Variants in CNTNAP2 observed in about 807,000 individuals in gnomAD.
The protein encoded by CNTNAP2 is contactin-associated protein-like 2.
In CNTNAP2, 98 loss-of-function variants were observed where a neutral mutation model predicts 155.2. The ratio of observed to expected loss-of-function variants is 0.63; its 90% confidence interval spans 0.54 to 0.75. The LOEUF (loss-of-function observed/expected upper bound fraction) is 0.75. CNTNAP2 is among the 30% of genes least tolerant of loss of function. CNTNAP2 has a pLI of 0.00. For synonymous variants in CNTNAP2, 651 were observed against 631.2 expected, an observed-to-expected ratio of 1.03 and a Z score of -0.47; for missense variants, 1,727 against 1,688.1, an observed-to-expected ratio of 1.02 and a Z score of -0.40.
chr7:147,580,831 G>A (rs112397579), intron 12 of CNTNAP2, among the ~76,000 whole-genome samples: 1 of 152,098 alleles, frequency 6.6e-6, no homozygotes, highest in African/African-American at 2.4e-5. Context: ...GACCAGGCTG[G>A]TCTCGAACTT....
chr7:148,347,591 G>A (rs564841348), intron 21 of CNTNAP2, among the ~76,000 whole-genome samples: 20 of 152,176 alleles, frequency 1.3e-4, no homozygotes, highest in African/African-American at 4.6e-4. Flanking sequence ...GCCTTTCAGA[G>A]CCAAAATTAT....
At chr7:146,928,543 G>A (rs1263975797) in intron 3 of CNTNAP2, among the ~76,000 whole-genome samples, 3 of 152,186 alleles carry the variant, frequency 2.0e-5, no homozygotes, top group Non-Finnish European at 2.9e-5. Flanking sequence ...TTCCATCTGA[G>A]GTACCAGGTT....
At chr7:146,402,968 G>C (rs1584908658) in intron 1 of CNTNAP2, among the ~76,000 whole-genome samples, 1 of 151,970 alleles carries the variant, frequency 6.6e-6, no homozygotes, top group Non-Finnish European at 1.5e-5. Context: ...TTTATTATTT[G>C]TTACACTATA....
chr7:147,708,688 C>T (rs1171966193), intron 13 of CNTNAP2, among the ~76,000 whole-genome samples: 1 of 152,166 alleles, frequency 6.6e-6, no homozygotes. Context: ...TTTTCCTCCA[C>T]TGGGGAGCCA....
chr7:147,561,207 CACA>C (rs1323001700), intron 11 of CNTNAP2, among the ~76,000 whole-genome samples: 2 of 152,238 alleles, frequency 1.3e-5, no homozygotes, highest in African/African-American at 2.4e-5. Context: ...TAGTTTAACA[CACA>C]ACAACCCCTA....
chr7:147,995,695 A>G (rs112177637), intron 15 of CNTNAP2, among the ~76,000 whole-genome samples: 2 of 152,020 alleles, frequency 1.3e-5, no homozygotes, highest in African/African-American at 4.8e-5. Flanking sequence ...TTGTATTTTT[A>G]GTAGAGATAG....
intron 3 of CNTNAP2, among the ~76,000 whole-genome samples, chr7:146,895,596 ATTGT>A (rs141815838): frequency 0.036 from 5,552 of 152,188 alleles, 120 homozygotes; most frequent in Middle Eastern, 0.092. Context: ...GTATGTAATA[ATTGT>A]TCATATTTAT....
intron 1 of CNTNAP2, among the ~76,000 whole-genome samples, chr7:146,207,158 T>C (rs1486292283): frequency 6.6e-6 from 1 of 151,970 alleles, no homozygotes; most frequent in Non-Finnish European, 1.5e-5. Flanking sequence ...TTTTAAGGTA[T>C]TCACAGCTTT....
intron 2 of CNTNAP2, among the ~76,000 whole-genome samples, chr7:146,827,720 T>C (rs1803433582): frequency 6.6e-6 from 1 of 152,054 alleles, no homozygotes; most frequent in Non-Finnish European, 1.5e-5. Context: ...GACATAACTT[T>C]TCCTTTCTTT....
intron 1 of CNTNAP2, among the ~76,000 whole-genome samples, chr7:146,364,649 A>AGT (rs1277938919): frequency 6.6e-6 from 1 of 152,218 alleles, no homozygotes. Flanking sequence ...AAATTCTCCT[A>AGT]GTGAGAACAC....
intron 9 of CNTNAP2, among the ~76,000 whole-genome samples, chr7:147,392,262 T>C (rs1453648667): frequency 6.6e-6 from 1 of 152,082 alleles, no homozygotes; most frequent in Admixed American, 6.6e-5. Flanking sequence ...TGTCCCTAAA[T>C]TACTGCCACA....
intron 14 of CNTNAP2, among the ~76,000 whole-genome samples, chr7:147,975,280 T>G (rs4726900): frequency 0.38 from 57,889 of 151,704 alleles, 11,593 homozygotes; most frequent in East Asian, 0.73. Flanking sequence ...AGTAGACAAA[T>G]TTATGGTTAC....
At chr7:148,301,306 A>AATATATATATATAT (rs1554414673) in intron 21 of CNTNAP2, among the ~76,000 whole-genome samples, 13 of 103,848 alleles carry the variant, frequency 1.3e-4, no homozygotes, top group Non-Finnish European at 1.9e-4. Flanking sequence ...AAAAAAAAAA[A>AATATATATATATAT]ATATATATAT....
At chr7:147,958,899 G>GT (rs1801069944) in intron 14 of CNTNAP2, among the ~76,000 whole-genome samples, 1 of 152,118 alleles carries the variant, frequency 6.6e-6, no homozygotes, top group African/African-American at 2.4e-5. Context: ...TTTTTTTGCA[G>GT]TAAGTGTAGG....
intron 10 of CNTNAP2, among the ~76,000 whole-genome samples, chr7:147,417,584 T>A (rs1797216940): frequency 6.6e-6 from 1 of 152,206 alleles, no homozygotes; most frequent in Non-Finnish European, 1.5e-5. Flanking sequence ...TTAGAGAACG[T>A]CTACAAAGAA....
At chr7:146,636,331 C>T (rs344447) in intron 1 of CNTNAP2, among the ~76,000 whole-genome samples, 4,525 of 151,912 alleles carry the variant, frequency 0.03, 243 homozygotes, top group African/African-American at 0.1. Flanking sequence ...TTTTAACTTA[C>T]GAATTTTTAA....
At chr7:147,453,824 A>AT (rs1188900424) in intron 10 of CNTNAP2, among the ~76,000 whole-genome samples, 1 of 152,156 alleles carries the variant, frequency 6.6e-6, no homozygotes, top group Non-Finnish European at 1.5e-5. Flanking sequence ...TCTTTAATGT[A>AT]TTTTTAAATG....
At chr7:148,370,294 G>A (rs1276648060) in intron 21 of CNTNAP2, among the ~76,000 whole-genome samples, 2 of 152,154 alleles carry the variant, frequency 1.3e-5, no homozygotes, top group Admixed American at 6.5e-5. Context: ...GTGACCTGAC[G>A]TCTCAGTGGC....
chr7:148,106,117 GT>G (rs1804212033), intron 15 of CNTNAP2, among the ~76,000 whole-genome samples: 1 of 152,158 alleles, frequency 6.6e-6, no homozygotes. Flanking sequence ...GGGCTCCCAG[GT>G]TCCTGCCTTG....
Sources: allele counts gnomAD v4.1 joint callset (sites outside exome capture counted in the v4.1 genomes callset), GRCh38; gene constraint gnomAD v4.1.1; transcripts MANE v1.5; gene names NCBI Gene and HGNC (gene_info 2026-07-23, HGNC 2026-07-21).